RCAN1: variants seen among roughly 807,000 people sequenced by gnomAD.
The protein encoded by RCAN1 is calcipressin-1.
RCAN1 carries 11 observed loss-of-function variants against 22.9 expected under a neutral mutation model. The observed-to-expected ratio is 0.48, with a 90% CI of 0.30 to 0.79. RCAN1 has a LOEUF of 0.79. Ranked by LOEUF, RCAN1 falls within the 30% of genes least tolerant of loss-of-function variation. The pLI, the probability that RCAN1 is intolerant of heterozygous loss-of-function variation, is 0.06. For synonymous variants in RCAN1, 136 were observed against 142.3 expected (o/e 0.96, Z 0.32); for missense variants, 291 against 337.8 (o/e 0.86, Z 1.09).
At chr21:34,528,123 A>G (rs1985179414) in intron 1 of RCAN1, among the ~76,000 whole-genome samples, 1 of 152,228 alleles carries the variant, frequency 6.6e-6, no homozygotes, top group Non-Finnish European at 1.5e-5. Context: ...TCTCTGATTT[A>G]GGGGCACACA....
intron 1 of RCAN1, among the ~76,000 whole-genome samples, chr21:34,585,292 C>A (rs1215399744): frequency 1.3e-5 from 2 of 152,182 alleles, no homozygotes; most frequent in Non-Finnish European, 2.9e-5. Context: ...GCTACAGAAG[C>A]AGCACATGCT....
At position 34,614,595 on chromosome 21, in the gene RCAN1, G is replaced by A; in HGVS notation, c.252+165C>T. 9.9e-7 allele frequency: 1 copy of A among 1,011,886 alleles called. No homozygotes were observed. Among genetic ancestry groups the A allele is most frequent in the Non-Finnish European group, 1.2e-6 (1 of 820,776 alleles). The allele number at this position is 1,011,886 out of a possible 1,614,324, so 62.7% of individuals were successfully genotyped here. A position where few individuals can be genotyped will look rare whatever the true frequency, so the allele number is the denominator to read the frequency against. On this transcript the variant is annotated intron_variant, in intron 1 of 3. Coordinates refer to ENST00000313806, the MANE Select transcript of RCAN1 (RefSeq NM_004414.7). The surrounding 1 kb of genome is among the most constrained non-coding windows in gnomAD (Gnocchi z 6.0). The stretch of plus-strand genomic sequence containing the variant: ...AGGGGACCGGGACCCTCGGGGCGCC[G>A]TCCCCACGCCCCAGCCCTGACGGGT...
chr21:34,600,485 G>A (rs1051169810), intron 1 of RCAN1, among the ~76,000 whole-genome samples: 1 of 152,106 alleles, frequency 6.6e-6, no homozygotes, highest in African/African-American at 2.4e-5. Flanking sequence ...GAGAGAGAAG[G>A]GAGAAAGGAG....
chr21:34,604,276 G>A (rs1445853398), intron 1 of RCAN1, among the ~76,000 whole-genome samples: 3 of 151,978 alleles, frequency 2.0e-5, no homozygotes, highest in South Asian at 2.1e-4. Flanking sequence ...GATTACAGGC[G>A]CCCACCACTA....
chr21:34,610,491 C>T lies in RCAN1; in HGVS notation c.252+4269G>A, dbSNP rs75432020. 5.5e-3 allele frequency among the ~76,000 whole-genome samples: 845 copies of T among 152,258 alleles called. 7 individuals are homozygous for T. Among genetic ancestry groups the T allele is most frequent in the African/African-American group, 0.019 (808 of 41,554 alleles). ...GCCTGCAGACCAAGGGCCTGGCTCCCGGTTCAGGAAATCAAGGCACAGAAA... is the reference window on the plus strand; with the variant it reads ...GCCTGCAGACCAAGGGCCTGGCTCCTGGTTCAGGAAATCAAGGCACAGAAA... On this transcript the variant is annotated intron_variant, in intron 1 of 3. Coordinates refer to ENST00000313806, the MANE Select transcript of RCAN1 (RefSeq NM_004414.7).
chr21:34,551,707 C>A (rs771989168), intron 1 of RCAN1, among the ~76,000 whole-genome samples: 7 of 152,138 alleles, frequency 4.6e-5, no homozygotes, highest in Non-Finnish European at 1.0e-4. Flanking sequence ...TTTTCCCTTG[C>A]CACTAATGTC....
chr21:34,611,795 T>C (rs1344665082), intron 1 of RCAN1, among the ~76,000 whole-genome samples: 1 of 152,168 alleles, frequency 6.6e-6, no homozygotes, highest in Non-Finnish European at 1.5e-5. Context: ...AAACTACATA[T>C]TCCCACCTAG....
intron 1 of RCAN1, among the ~76,000 whole-genome samples, chr21:34,602,318 T>C (rs1469406929): frequency 1.3e-5 from 2 of 152,116 alleles, no homozygotes; most frequent in East Asian, 3.8e-4. Context: ...TAACCACCCC[T>C]TTCACTAAAT....
intron 1 of RCAN1, among the ~76,000 whole-genome samples, chr21:34,553,503 T>C (rs1324498301): frequency 6.6e-6 from 1 of 152,190 alleles, no homozygotes; most frequent in Non-Finnish European, 1.5e-5. Context: ...CATACCGTAG[T>C]TTTCCATGGC....
intron 1 of RCAN1, among the ~76,000 whole-genome samples, chr21:34,564,132 C>T (rs954593263): frequency 6.6e-6 from 1 of 152,026 alleles, no homozygotes; most frequent in Admixed American, 6.6e-5. Context: ...AGGGGAAATG[C>T]CAGACACTTT....
chr21:34,543,498 G>A (rs1052761779), intron 1 of RCAN1, among the ~76,000 whole-genome samples: 1 of 152,198 alleles, frequency 6.6e-6, no homozygotes, highest in Non-Finnish European at 1.5e-5. Context: ...AGCCCATTGA[G>A]ACTGATTTTG....
chr21:34,544,557 T>G (rs9636882), intron 1 of RCAN1, among the ~76,000 whole-genome samples: 38,517 of 152,116 alleles, frequency 0.25, 5,522 homozygotes, highest in African/African-American at 0.39. Flanking sequence ...ATGGGCATTG[T>G]AAGCCACTAG....
At chr21:34,533,070 C>T (rs1021222185) in intron 1 of RCAN1, among the ~76,000 whole-genome samples, 1 of 151,400 alleles carries the variant, frequency 6.6e-6, no homozygotes, top group Non-Finnish European at 1.5e-5. Flanking sequence ...ACGCCATTCT[C>T]CTGCCTCAGC....
intron 1 of RCAN1, among the ~76,000 whole-genome samples, chr21:34,570,367 C>T (rs1013166680): frequency 6.6e-6 from 1 of 152,218 alleles, no homozygotes; most frequent in African/African-American, 2.4e-5. Context: ...TGATTTGCTT[C>T]TGCATATAGC....
intron 1 of RCAN1, among the ~76,000 whole-genome samples, chr21:34,601,008 G>A (rs1475730359): frequency 6.6e-6 from 1 of 152,110 alleles, no homozygotes; most frequent in African/African-American, 2.4e-5. Flanking sequence ...AGGACCCCCT[G>A]GCCTGAAAAA....
chr21:34,569,224 C>T (rs1400956523), intron 1 of RCAN1, among the ~76,000 whole-genome samples: 1 of 152,130 alleles, frequency 6.6e-6, no homozygotes, highest in Non-Finnish European at 1.5e-5. Context: ...CTATAGGTTG[C>T]ATAGGTTTCT....
At chr21:34,524,761 T>A (rs1463663863) in intron 1 of RCAN1, 2 of 259,906 alleles carry the variant, frequency 7.7e-6, no homozygotes. Flanking sequence ...CCTGAGCTCT[T>A]AGAATGCAAA....
At chr21:34,545,154 G>A (rs1986084804) in intron 1 of RCAN1, among the ~76,000 whole-genome samples, 1 of 152,194 alleles carries the variant, frequency 6.6e-6, no homozygotes, top group Middle Eastern at 3.2e-3. Flanking sequence ...CAAAAGCAAA[G>A]CAAAGCTACG....
intron 1 of RCAN1, among the ~76,000 whole-genome samples, chr21:34,571,119 C>T (rs964446072): frequency 6.6e-6 from 1 of 152,190 alleles, no homozygotes; most frequent in African/African-American, 2.4e-5. Context: ...CATGGAGAAA[C>T]CTCATCTCTA....
Sources: gnomAD v4.1 joint callset for allele counts (sites outside exome capture counted in the v4.1 genomes callset) on GRCh38, gnomAD v4.1.1 for gene constraint, Gnocchi (gnomAD v3.1) non-coding constraint, MANE v1.5 for transcripts, NCBI Gene and HGNC (gene_info 2026-07-23, HGNC 2026-07-21) for gene names.